The following ATP8B4 variants were observed in gnomAD, a reference collection of about 807,000 sequenced individuals.
ATP8B4 encodes the protein probable phospholipid-transporting ATPase IM.
Under a neutral mutation model 145.6 loss-of-function variants are expected in ATP8B4, and 133 were observed. That is an observed-to-expected ratio of 0.91 (90% CI 0.79 to 1.05). ATP8B4 has a LOEUF of 1.05. ATP8B4 is among the 50% of genes least tolerant of loss of function. The pLI, the probability that ATP8B4 is intolerant of heterozygous loss-of-function variation, is 0.00. For synonymous variants in ATP8B4, 507 were observed against 492.9 expected (o/e 1.03, Z -0.38); for missense variants, 1,458 against 1,425.2 (o/e 1.02, Z -0.37).
chr15:50,154,091 C>T (rs2044383135), intron 1 of ATP8B4, among the ~76,000 whole-genome samples: 1 of 152,184 alleles, frequency 6.6e-6, no homozygotes, highest in Admixed American at 6.5e-5. Flanking sequence ...CTTTCATAAA[C>T]ACATCCTTCA....
rs2031202966 is a variant in ATP8B4 at position 49,859,252 on chromosome 15, CAATT to C, written c.*938_*941del. On this transcript the variant is annotated 3_prime_UTR_variant, in exon 28 of 28. Coordinates refer to ENST00000284509, the MANE Select transcript of ATP8B4 (RefSeq NM_024837.4). The stretch of plus-strand genomic sequence containing the variant: ...CTGAGTTTTTAAATAGTAATTAAAA[CAATT>C]ATTTATTAATTTGTTTGGCTTCAAT... 6.6e-6 allele frequency: 1 copy of C among 152,110 alleles called. No individual in the cohort carries two copies. Among genetic ancestry groups the C allele is most frequent in the African/African-American group, 2.4e-5 (1 of 41,418 alleles). The allele number at this position is 152,110 out of a possible 1,614,324, so 9.4% of individuals were successfully genotyped here.
At chr15:50,128,639 A>G (rs2057322991) in intron 1 of ATP8B4, among the ~76,000 whole-genome samples, 1 of 151,236 alleles carries the variant, frequency 6.6e-6, no homozygotes, top group Admixed American at 6.5e-5. Flanking sequence ...CTAAATAATC[A>G]AAAGCTTATT....
intron 9 of ATP8B4, among the ~76,000 whole-genome samples, chr15:49,991,916 C>T (rs1437068360): frequency 6.6e-6 from 1 of 152,082 alleles, no homozygotes; most frequent in African/African-American, 2.4e-5. Context: ...ATTTATTTCC[C>T]TAATCAAGAG....
In ATP8B4 at chr15:49,866,387, T is replaced by C; in HGVS notation, c.3125A>G (p.Asn1042Ser). Residue 1042 changes from asparagine (N) to serine (S), a missense_variant, in exon 26 of 28, where the codon AAT (asparagine) becomes AGT (serine). Physicochemically the swap from Asn to Ser is conservative, Grantham distance 46. Coordinates refer to ENST00000284509, the MANE Select transcript of ATP8B4 (RefSeq NM_024837.4). ...YFSILFTMHS[N>S]GIFGIFPNQF... ...GTTTGGGAAGATGCCAAAGATGCCA[T>C]TACTGTGCATTGTAAATAAAATGGA... is the stretch of plus-strand genomic sequence containing the variant. The C allele has an allele frequency of 3.1e-6, 5 of 1,614,028 alleles. No individual in the cohort carries two copies. Among genetic ancestry groups the C allele is most frequent in the Non-Finnish European group, 4.2e-6 (5 of 1,179,898 alleles).
At chr15:49,950,043 G>T (rs1040149217) in intron 14 of ATP8B4, among the ~76,000 whole-genome samples, 1 of 152,168 alleles carries the variant, frequency 6.6e-6, no homozygotes, top group Non-Finnish European at 1.5e-5. Context: ...TTTTTGATGT[G>T]CTGGTGGATT....
chr15:49,979,157 G>A (rs1374287175), intron 12 of ATP8B4, among the ~76,000 whole-genome samples: 1 of 151,970 alleles, frequency 6.6e-6, no homozygotes, highest in Non-Finnish European at 1.5e-5. Flanking sequence ...TTTAAAATGA[G>A]GGAACTGAGG....
chr15:50,023,198 A>T (rs373002742), intron 6 of ATP8B4, among the ~76,000 whole-genome samples: 1 of 152,104 alleles, frequency 6.6e-6, no homozygotes, highest in African/African-American at 2.4e-5. Context: ...GGTCTTATTT[A>T]TAGTCTGTAA....
chr15:49,858,348 TCTGG>T lies in ATP8B4; in HGVS notation c.*1842_*1845del, dbSNP rs2031055970. 6.6e-6 allele frequency: 1 copy of T among 152,146 alleles called. No individual in the cohort carries two copies. Among genetic ancestry groups the T allele is most frequent in the Non-Finnish European group, 1.5e-5 (1 of 68,030 alleles). 9.4% of individuals were successfully genotyped at this position (152,146 alleles called of 1,614,324 possible). Reference sequence around the variant, plus strand: ...ACAAATTAGACATTGAAAACCAACATCTGGTTAAGTGTAGGCAGGCATGTAAGGG... The same window carrying T: ...ACAAATTAGACATTGAAAACCAACATTTAAGTGTAGGCAGGCATGTAAGGG... On this transcript the variant is annotated 3_prime_UTR_variant, in exon 28 of 28. Coordinates refer to ENST00000284509, the MANE Select transcript of ATP8B4 (RefSeq NM_024837.4).
At chr15:50,027,977 T>C (rs2050139911) in intron 6 of ATP8B4, among the ~76,000 whole-genome samples, 2 of 152,214 alleles carry the variant, frequency 1.3e-5, no homozygotes, top group Non-Finnish European at 2.9e-5. Flanking sequence ...GTATTCTCCA[T>C]TAGAAAATAC....
At chr15:49,964,995 A>G (rs1457139274) in intron 13 of ATP8B4, among the ~76,000 whole-genome samples, 1 of 152,222 alleles carries the variant, frequency 6.6e-6, no homozygotes, top group Non-Finnish European at 1.5e-5. Flanking sequence ...ATTTTTAGAA[A>G]GCCTCTGAAA....
intron 2 of ATP8B4, among the ~76,000 whole-genome samples, chr15:50,078,421 A>G (rs975895539): frequency 2.0e-5 from 3 of 152,130 alleles, no homozygotes; most frequent in Non-Finnish European, 4.4e-5. Context: ...ACAGAGAACA[A>G]GAAAAAGTCC....
At chr15:49,865,307 C>A (rs1270266737) in intron 26 of ATP8B4, among the ~76,000 whole-genome samples, 1 of 152,210 alleles carries the variant, frequency 6.6e-6, no homozygotes, top group Non-Finnish European at 1.5e-5. Context: ...ATGGAAGTTC[C>A]ACGCCCCTTC....
chr15:50,050,489 G>C (rs986406997), intron 3 of ATP8B4, among the ~76,000 whole-genome samples: 1 of 151,316 alleles, frequency 6.6e-6, no homozygotes, highest in Admixed American at 6.6e-5. Flanking sequence ...TATTACACCA[G>C]CCTAATGAAA....
At position 49,859,685 on chromosome 15, in the gene ATP8B4, A is replaced by G. The variant is rs1336891620; in HGVS notation, c.*509T>C. 1 of 153,654 alleles carries G rather than the reference A, an allele frequency of 6.5e-6. No individual in the cohort carries two copies. Among genetic ancestry groups the G allele is most frequent in the Non-Finnish European group, 1.4e-5 (1 of 69,032 alleles). The allele number at this position is 153,654 out of a possible 1,614,324, so 9.5% of individuals were successfully genotyped here. On this transcript the variant is annotated 3_prime_UTR_variant, in exon 28 of 28. Transcript: ENST00000284509. Reference sequence around the variant, plus strand: ...ACAGACAGGTAGATATCAAGACTAAAGAGTGACATGCAACTCAGTCTGAAA... The same window carrying G: ...ACAGACAGGTAGATATCAAGACTAAGGAGTGACATGCAACTCAGTCTGAAA...
At chr15:50,049,203 A>G (rs1282682478) in intron 3 of ATP8B4, among the ~76,000 whole-genome samples, 1 of 152,156 alleles carries the variant, frequency 6.6e-6, no homozygotes, top group Non-Finnish European at 1.5e-5. Context: ...TCTTGGTTGA[A>G]ATCTTTCTTC....
intron 3 of ATP8B4, among the ~76,000 whole-genome samples, chr15:50,068,810 A>G (rs545037005): frequency 1.1e-3 from 173 of 152,326 alleles, no homozygotes; most frequent in African/African-American, 4.1e-3. Context: ...AGAAGAACCA[A>G]CGAGAACCAG....
At chr15:49,988,363 T>C (rs753759642) in intron 9 of ATP8B4, among the ~76,000 whole-genome samples, 2 of 152,112 alleles carry the variant, frequency 1.3e-5, no homozygotes, top group Non-Finnish European at 2.9e-5. Context: ...TAGATTAATA[T>C]ACATATCCAC....
chr15:50,009,592 T>A, intron 7 of ATP8B4: 2 of 430,894 alleles, frequency 4.6e-6, no homozygotes, highest in Non-Finnish European at 9.2e-6. Flanking sequence ...CTAGTGCCCT[T>A]ACACTGGAGC....
chr15:50,049,157 C>A (rs1351660614), intron 3 of ATP8B4, among the ~76,000 whole-genome samples: 2 of 152,182 alleles, frequency 1.3e-5, no homozygotes, highest in African/African-American at 2.4e-5. Context: ...CAATATATTT[C>A]TTTTCAATAA....
Sources: allele counts gnomAD v4.1 joint callset (sites outside exome capture counted in the v4.1 genomes callset), GRCh38; gene constraint gnomAD v4.1.1; transcripts MANE v1.5; gene names NCBI Gene and HGNC (gene_info 2026-07-23, HGNC 2026-07-21).